The following DOCK4 variants were observed in gnomAD, a reference collection of about 807,000 sequenced individuals.
The protein encoded by DOCK4 is dedicator of cytokinesis 4.
Under a neutral mutation model 268.1 loss-of-function variants are expected in DOCK4, and 97 were observed. The observed-to-expected ratio is 0.36, with a 90% CI of 0.31 to 0.43. DOCK4 has a LOEUF of 0.43. DOCK4 is among the 20% of genes least tolerant of loss of function. The probability of loss-of-function intolerance (pLI) is 1.00; values close to 1 mark genes in which losing one functional copy is unlikely to be tolerated. For synonymous variants in DOCK4, 954 were observed against 887.2 expected, an observed-to-expected ratio of 1.08 and a Z score of -1.34; for missense variants, 2,145 against 2,455.7, an observed-to-expected ratio of 0.87 and a Z score of 2.67.
At chr7:111,998,295 G>A (rs1418365367) in intron 4 of DOCK4, among the ~76,000 whole-genome samples, 153 bp downstream of exon 4, 2 of 152,112 alleles carry the variant, frequency 1.3e-5, no homozygotes, top group Admixed American at 6.6e-5. Flanking sequence ...CTCCACCAAC[G>A]GTCTTAATGC....
intron 7 of DOCK4, among the ~76,000 whole-genome samples, chr7:111,980,707 T>C (rs1197589806): frequency 1.3e-5 from 2 of 152,188 alleles, no homozygotes; most frequent in South Asian, 2.1e-4. Context: ...CCATCTCCTG[T>C]TGTGACAACG....
chr7:111,771,178 T>C (rs1427132487), intron 36 of DOCK4, among the ~76,000 whole-genome samples: 1 of 152,234 alleles, frequency 6.6e-6, no homozygotes, highest in East Asian at 1.9e-4. Flanking sequence ...AGGTTGCTCA[T>C]GATCTGGTTC....
chr7:111,795,784 A>G (rs561968219), intron 30 of DOCK4, among the ~76,000 whole-genome samples: 18 of 152,148 alleles, frequency 1.2e-4, no homozygotes, highest in Non-Finnish European at 2.4e-4. Context: ...TAAGGAAGAG[A>G]TGGGAAGCTC....
chr7:112,101,204 C>T (rs570474957), intron 1 of DOCK4, among the ~76,000 whole-genome samples: 37 of 152,234 alleles, frequency 2.4e-4, no homozygotes, highest in East Asian at 2.1e-3. Flanking sequence ...CACAGGCAGA[C>T]GGATCCTTGG....
At chr7:112,141,268 G>A (rs1814903473) in intron 1 of DOCK4, among the ~76,000 whole-genome samples, 1 of 152,156 alleles carries the variant, frequency 6.6e-6, no homozygotes, top group Non-Finnish European at 1.5e-5. Context: ...AAAGTGTACA[G>A]TTGCCACACA....
chr7:112,043,344 C>A (rs1163976368), intron 1 of DOCK4, among the ~76,000 whole-genome samples: 1 of 152,128 alleles, frequency 6.6e-6, no homozygotes, highest in Non-Finnish European at 1.5e-5. Context: ...CACAAATCAA[C>A]TGTTATCCAC....
intron 1 of DOCK4, among the ~76,000 whole-genome samples, chr7:112,033,625 A>T (rs1048867791): frequency 8.5e-5 from 13 of 152,098 alleles, no homozygotes; most frequent in African/African-American, 2.9e-4. Flanking sequence ...TCTTGACTTC[A>T]TGGGTTATGA....
rs564114065 is a variant in DOCK4, at chr7:111,924,750, A to AT, written c.1067-8847dup. 2.3e-4 allele frequency among the ~76,000 whole-genome samples: 35 copies of AT among 152,310 alleles called. No homozygotes were observed. The South Asian group carries it at 7.3e-3, about 32-fold the overall frequency. On this transcript the variant is annotated intron_variant, in intron 12 of 52. Transcript: ENST00000428084. The stretch of plus-strand genomic sequence containing the variant: ...GGCCAATGTAGTGAGTCCCCATTTC[A>AT]TTTTTAAAAATAAATAAATATGAAA...
intron 42 of DOCK4, among the ~76,000 whole-genome samples, chr7:111,751,818 T>C (rs2133519397): frequency 6.6e-6 from 1 of 152,204 alleles, no homozygotes; most frequent in African/African-American, 2.4e-5. Flanking sequence ...AGTGGTATGA[T>C]CATAGTTCAC....
intron 52 of DOCK4, among the ~76,000 whole-genome samples, chr7:111,730,718 C>G (rs1327037673): frequency 6.6e-6 from 1 of 151,998 alleles, no homozygotes; most frequent in Non-Finnish European, 1.5e-5. Flanking sequence ...GCAGTGTGCC[C>G]CCTAATGTAA....
At chr7:111,924,084 T>A (rs1023313545) in intron 12 of DOCK4, among the ~76,000 whole-genome samples, 4 of 152,216 alleles carry the variant, frequency 2.6e-5, no homozygotes, top group Non-Finnish European at 5.9e-5. Context: ...GGTTTAAAAA[T>A]CTCGTTCCAT....
At position 111,977,298 on chromosome 7, in the gene DOCK4, C is replaced by G. The variant is rs2135125803; in HGVS notation, c.550-15G>C. On this transcript the variant is annotated splice_polypyrimidine_tract_variant and intron_variant, in intron 7 of 52. Transcript: ENST00000428084. ...CGATGTTCCATCTGAATGACACCCC[C>G]CAACAAAAACATGATCAGCATGGAC... 1 of 1,580,696 alleles carries G rather than the reference C, an allele frequency of 6.3e-7. No homozygotes were observed. The highest frequency in any genetic ancestry group is 2.3e-5 in the East Asian group (1 of 43,424).
intron 16 of DOCK4, among the ~76,000 whole-genome samples, chr7:111,877,527 C>G (rs1437305588): frequency 6.6e-6 from 1 of 152,048 alleles, no homozygotes; most frequent in Admixed American, 6.6e-5. Context: ...TAACACAGTC[C>G]TGATACCTTG....
At chr7:111,927,674 ATTTGTAT>A (rs1355402162) in intron 12 of DOCK4, among the ~76,000 whole-genome samples, 2 of 152,172 alleles carry the variant, frequency 1.3e-5, no homozygotes, top group African/African-American at 4.8e-5. Context: ...ATTATTACCT[ATTTGTAT>A]TTTATTTCCA....
chr7:111,924,460 A>G (rs974872703), intron 12 of DOCK4, among the ~76,000 whole-genome samples: 1 of 152,208 alleles, frequency 6.6e-6, no homozygotes, highest in Admixed American at 6.5e-5. Flanking sequence ...CTTCTTGGCT[A>G]CATGTATATG....
At chr7:111,978,240 T>C (rs1798356915) in intron 7 of DOCK4, among the ~76,000 whole-genome samples, 1 of 152,148 alleles carries the variant, frequency 6.6e-6, no homozygotes, top group Non-Finnish European at 1.5e-5. Flanking sequence ...TTACTGTTAT[T>C]ATTATTTTTG....
At chr7:111,777,592 A>G (rs1798529685) in intron 36 of DOCK4, among the ~76,000 whole-genome samples, 2 of 152,224 alleles carry the variant, frequency 1.3e-5, no homozygotes. Flanking sequence ...AATGAGACCT[A>G]TATAGTTGTA....
chr7:112,136,194 C>T (rs1814328267), intron 1 of DOCK4, among the ~76,000 whole-genome samples: 1 of 152,020 alleles, frequency 6.6e-6, no homozygotes, highest in Admixed American at 6.6e-5. Flanking sequence ...AAGAATGAAA[C>T]CGGTTTCATT....
chr7:111,934,193 T>C (rs1437812488), intron 12 of DOCK4, among the ~76,000 whole-genome samples: 1 of 152,250 alleles, frequency 6.6e-6, no homozygotes, highest in Non-Finnish European at 1.5e-5. Flanking sequence ...TGGGTCTGAA[T>C]GGTGGATAAG....
Sources: allele counts gnomAD v4.1 joint callset (sites outside exome capture counted in the v4.1 genomes callset), GRCh38; gene constraint gnomAD v4.1.1; transcripts MANE v1.5; gene names NCBI Gene and HGNC (gene_info 2026-07-23, HGNC 2026-07-21).